Variants in HNRNPUL2 observed in about 807,000 individuals in gnomAD.
HNRNPUL2 encodes heterogeneous nuclear ribonucleoprotein U like 2.
In HNRNPUL2, 27 loss-of-function variants were observed where a neutral mutation model predicts 102.2. The observed-to-expected ratio is 0.26, with a 90% CI of 0.19 to 0.36. The LOEUF (loss-of-function observed/expected upper bound fraction) is 0.36. Among genes scored for constraint, HNRNPUL2 ranks in the 10% least tolerant of loss-of-function variants. The pLI is 1.00. For synonymous variants in HNRNPUL2, 458 were observed against 387.2 expected (o/e 1.18, Z -2.15); for missense variants, 936 against 981.1 (o/e 0.95, Z 0.61).
In HNRNPUL2 at chr11:62,715,615, A is replaced by T. The variant is rs1323200393; in HGVS notation, c.2056-8T>A. 3.1e-6 allele frequency: 5 copies of T among 1,605,026 alleles called. No homozygotes were observed. Among genetic ancestry groups the T allele is most frequent in the Non-Finnish European group, 4.3e-6 (5 of 1,171,832 alleles). On this transcript the variant is annotated splice_polypyrimidine_tract_variant and splice_region_variant and intron_variant, in intron 12 of 13. Coordinates refer to ENST00000301785, the MANE Select transcript of HNRNPUL2 (RefSeq NM_001079559.3). The stretch of plus-strand genomic sequence containing the variant: ...ATAGAAATTACGGTAACCCTGAGAA[A>T]GGAAAAGAAAAAGGAGTGAAGGTTT...
Position 62,727,286 on chromosome 11 carries a change from G to C in HNRNPUL2, c.-130C>G. ...GCCAGCACTGAGCCCGCGCGAGCGA[G>C]CGCACGCACGCAGGAGCGGAGGCCG... On this transcript the variant is annotated 5_prime_UTR_variant, in exon 1 of 14. Coordinates refer to ENST00000301785, the MANE Select transcript of HNRNPUL2 (RefSeq NM_001079559.3). 2 of 1,144,840 alleles carry C rather than the reference G, an allele frequency of 1.7e-6. No homozygotes were observed. Among genetic ancestry groups the C allele is most frequent in the Non-Finnish European group, 2.2e-6 (2 of 914,160 alleles). The allele number at this position is 1,144,840 out of a possible 1,614,324, so 70.9% of individuals were successfully genotyped here. A position where few individuals can be genotyped will look rare whatever the true frequency, so the allele number is the denominator to read the frequency against.
chr11:62,720,268 G>A, intron 9 of HNRNPUL2, 77 bp from the exon 10 acceptor site: 15 of 1,407,994 alleles, frequency 1.1e-5, no homozygotes, highest in Non-Finnish European at 1.4e-5. Flanking sequence ...AGTATCAGCT[G>A]GGCACGGTGG....
rs1287448769 is a variant in HNRNPUL2, at chr11:62,713,151, C to G, written c.*2148G>C. 2 of 152,114 alleles carry G rather than the reference C, an allele frequency of 1.3e-5. No homozygotes were observed. The highest frequency in any genetic ancestry group is 3.9e-4 in the East Asian group (2 of 5,184). 9.4% of individuals were successfully genotyped at this position (152,114 alleles called of 1,614,324 possible). On this transcript the variant is annotated 3_prime_UTR_variant, in exon 14 of 14. Coordinates refer to ENST00000301785, the MANE Select transcript of HNRNPUL2 (RefSeq NM_001079559.3). Reference sequence around the variant, plus strand: ...ATCAACAGCGAGTACCTCCCCTAACCCCTGCTGGAAAAAAACTCAACTTGA... The same window carrying G: ...ATCAACAGCGAGTACCTCCCCTAACGCCTGCTGGAAAAAAACTCAACTTGA...
Position 62,714,145 on chromosome 11 carries a change from C to A in HNRNPUL2, c.*1154G>T, listed in dbSNP as rs1343784791. ...CCACTGAGCTGCCTCCCACCCCCCC[C>A]CACCACCCTCCCCTCTTCTATTCAT... On this transcript the variant is annotated 3_prime_UTR_variant, in exon 14 of 14. Coordinates refer to ENST00000301785, the MANE Select transcript of HNRNPUL2 (RefSeq NM_001079559.3). 2.7e-5 allele frequency: 4 copies of A among 148,520 alleles called. No homozygotes were observed. The highest frequency in any genetic ancestry group is 1.0e-4 in the African/African-American group (4 of 40,058). The allele number at this position is 148,520 out of a possible 1,614,324, so 9.2% of individuals were successfully genotyped here. A position where few individuals can be genotyped will look rare whatever the true frequency, so the allele number is the denominator to read the frequency against.
rs1347827085 is a variant in HNRNPUL2 at position 62,714,133 on chromosome 11, TCCCACCCCCC to T, written c.*1156_*1165del. 1.5e-4 allele frequency: 12 copies of T among 80,886 alleles called. No individual in the cohort carries two copies. The highest frequency in any genetic ancestry group is 5.6e-4 in the African/African-American group (12 of 21,588). 5.0% of individuals were successfully genotyped at this position (80,886 alleles called of 1,614,324 possible). On this transcript the variant is annotated 3_prime_UTR_variant, in exon 14 of 14. Transcript: ENST00000301785. ...GGTTCAGCAGCCCCACTGAGCTGCC[TCCCACCCCCC>T]CCCACCACCCTCCCCTCTTCTATTC...
rs1334972902 is a variant in HNRNPUL2 at position 62,714,139 on chromosome 11, C to CA, written c.*1159_*1160insT. 2.1e-5 allele frequency: 3 copies of CA among 145,448 alleles called. No individual in the cohort carries two copies. Among genetic ancestry groups the CA allele is most frequent in the Non-Finnish European group, 4.6e-5 (3 of 65,660 alleles). The allele number at this position is 145,448 out of a possible 1,614,324, so 9.0% of individuals were successfully genotyped here. ...GCAGCCCCACTGAGCTGCCTCCCAC[C>CA]CCCCCCCACCACCCTCCCCTCTTCT... On this transcript the variant is annotated 3_prime_UTR_variant, in exon 14 of 14. Transcript: ENST00000301785.
In HNRNPUL2 at chr11:62,715,577, C is replaced by T. The variant is rs767780215; in HGVS notation, c.2086G>A (p.Gly696Arg). The change falls in exon 13 of 14, where the codon GGA becomes AGA. Residue 696 changes from glycine (G) to arginine (R), a missense_variant. Around this residue, in one of 2 missense-constraint regions of HNRNPUL2, gnomAD observed 609 missense variants for 713.0 expected, o/e 0.85. Transcript: ENST00000301785. ...CGCCCGTAAAATCGATCATAGTCTC[C>T]CCTGTATCGATCATAGAAATTACGG... Reference protein sequence around the residue: ...GYRNFYDRYRGDYDRFYGRDY... With the variant: ...GYRNFYDRYRRDYDRFYGRDY... The T allele has an allele frequency of 3.1e-6, 5 of 1,612,740 alleles. No individual in the cohort carries two copies. The South Asian group carries it at 5.5e-5, about 18-fold the overall frequency.
intron 1 of HNRNPUL2, among the ~76,000 whole-genome samples, chr11:62,725,722 G>A (rs935659159): frequency 6.6e-6 from 1 of 152,014 alleles, no homozygotes; most frequent in African/African-American, 2.4e-5. Context: ...CTCCCTACTC[G>A]GACACACACT....
At chr11:62,724,031 G>A (rs1484651644) in intron 2 of HNRNPUL2, 41 bp from the exon 3 acceptor site, 3 of 1,524,098 alleles carry the variant, frequency 2.0e-6, no homozygotes, top group South Asian at 1.1e-5. Context: ...TGTAAACAAA[G>A]CCCTCTTCTT....
chr11:62,726,088 T>C (rs1019065381), intron 1 of HNRNPUL2, among the ~76,000 whole-genome samples: 4 of 152,208 alleles, frequency 2.6e-5, no homozygotes, highest in Middle Eastern at 3.2e-3. Flanking sequence ...CACTAGAGGC[T>C]CTCCCTTACA....
In HNRNPUL2 at chr11:62,722,326, C is replaced by G. The variant is rs745545445; in HGVS notation, c.1150G>C (p.Gly384Arg). 29 of 1,613,836 alleles carry G rather than the reference C, an allele frequency of 1.8e-5. No individual in the cohort carries two copies. The highest frequency in any genetic ancestry group is 2.5e-5 in the Non-Finnish European group (29 of 1,179,830). ...LSFSKNGEDL[G>R]VAFWISKDSL... is the part of the protein sequence containing the mutation. ...TCCTTGCTGATCCAGAATGCCACACCTAGGTCTTCTCCATTCTTGGAGAAG... is the reference window on the plus strand; with the variant it reads ...TCCTTGCTGATCCAGAATGCCACACGTAGGTCTTCTCCATTCTTGGAGAAG... The change falls in exon 7 of 14, where the codon GGT (glycine) becomes CGT (arginine). Residue 384 changes from glycine (G) to arginine (R), a missense_variant. Physicochemically the swap from Gly to Arg is moderately radical, Grantham distance 125. Around this residue, in one of 2 missense-constraint regions of HNRNPUL2, gnomAD observed 609 missense variants for 713.0 expected, o/e 0.85. Coordinates refer to ENST00000301785, the MANE Select transcript of HNRNPUL2 (RefSeq NM_001079559.3).
At chr11:62,724,054 G>T in intron 2 of HNRNPUL2, 64 bp from the exon 3 acceptor site, 3 of 1,343,278 alleles carry the variant, frequency 2.2e-6, no homozygotes, top group Non-Finnish European at 3.2e-6. Context: ...AGGGGTGTGT[G>T]TGTATGACAT....
At chr11:62,723,383 C>T (rs1020928746) in intron 4 of HNRNPUL2, among the ~76,000 whole-genome samples, 7 of 152,034 alleles carry the variant, frequency 4.6e-5, no homozygotes, top group African/African-American at 7.2e-5. Context: ...CCCAGCTCCT[C>T]GGGAGGCTGA....
rs2083643430 is a variant in HNRNPUL2, at chr11:62,714,430, C to G, written c.*869G>C. ...TCAGAGACCTCCCACCTCTCTCAAC[C>G]TTGGAAGACAGAGACTAGAGACTGG... On this transcript the variant is annotated 3_prime_UTR_variant, in exon 14 of 14. Transcript: ENST00000301785. 1 of 152,196 alleles carries G rather than the reference C, an allele frequency of 6.6e-6. No homozygotes were observed. Among genetic ancestry groups the G allele is most frequent in the Non-Finnish European group, 1.5e-5 (1 of 68,036 alleles). 9.4% of individuals were successfully genotyped at this position (152,196 alleles called of 1,614,324 possible). A position where few individuals can be genotyped will look rare whatever the true frequency, so the allele number is the denominator to read the frequency against.
intron 2 of HNRNPUL2, 130 bp from the exon 3 acceptor site, chr11:62,724,120 A>G (rs1442060977): frequency 1.0e-5 from 12 of 1,186,772 alleles, no homozygotes; most frequent in African/African-American, 1.5e-5. Flanking sequence ...GCTTTTTCCA[A>G]TAAATGAGAA....
In HNRNPUL2 at chr11:62,713,939, A is replaced by G. The variant is rs1412528819; in HGVS notation, c.*1360T>C. On this transcript the variant is annotated 3_prime_UTR_variant, in exon 14 of 14. Coordinates refer to ENST00000301785, the MANE Select transcript of HNRNPUL2 (RefSeq NM_001079559.3). ...GCTGTCTATCAAGAACTGGGAGGGT[A>G]TTGGTAAAGTCACAAATGAAACTAT... 1 of 152,310 alleles carries G rather than the reference A, an allele frequency of 6.6e-6. No individual in the cohort carries two copies. Among genetic ancestry groups the G allele is most frequent in the East Asian group, 1.9e-4 (1 of 5,190 alleles). 9.4% of individuals were successfully genotyped at this position (152,310 alleles called of 1,614,324 possible).
chr11:62,721,349 A>G lies in HNRNPUL2; in HGVS notation c.1557T>C (p.Leu519=), dbSNP rs1217082566. Residue 519 remains leucine (L), a synonymous_variant, in exon 9 of 14, where the codon CTT becomes CTC. Coordinates refer to ENST00000301785, the MANE Select transcript of HNRNPUL2 (RefSeq NM_001079559.3). ...DLLVQQASQC[L]SKLVQIASRT... ...GGGAAGCAATCTGGACCAGCTTACT[A>G]AGGCACTGGGAGGCTTGCTGAACTA... The G allele has an allele frequency of 4.3e-6, 7 of 1,611,288 alleles. No homozygotes were observed. The highest frequency in any genetic ancestry group is 5.9e-6 in the Non-Finnish European group (7 of 1,179,104).
Position 62,724,395 on chromosome 11 carries a change from T to C in HNRNPUL2, c.570A>G (p.Pro190=). ...CCCGCCGCTCACCATCTGAGCCTGC[T>C]GGTTTTGACTTTTCACTATCCTGGT... ...GDDQDSEKSK[P]AGSDGERRGV... Residue 190 remains proline, a synonymous_variant, in exon 2 of 14, where the codon CCA becomes CCG. Transcript: ENST00000301785. 6.2e-7 allele frequency: 1 copy of C among 1,614,260 alleles called. No homozygotes were observed. Among genetic ancestry groups the C allele is most frequent in the South Asian group, 1.1e-5 (1 of 91,090 alleles).
At position 62,714,300 on chromosome 11, in the gene HNRNPUL2, C is replaced by T. The variant is rs866994314; in HGVS notation, c.*999G>A. Reference sequence around the variant, plus strand: ...ACAGGATTCACCTATATACATATCCCGCTGCAGTGAAAAGAATCCTGCTGT... The same window carrying T: ...ACAGGATTCACCTATATACATATCCTGCTGCAGTGAAAAGAATCCTGCTGT... On this transcript the variant is annotated 3_prime_UTR_variant, in exon 14 of 14. Transcript: ENST00000301785. 2.6e-5 allele frequency: 4 copies of T among 152,148 alleles called. No homozygotes were observed. The highest frequency in any genetic ancestry group is 2.1e-4 in the South Asian group (1 of 4,826). 9.4% of individuals were successfully genotyped at this position (152,148 alleles called of 1,614,324 possible).
Sources: allele counts gnomAD v4.1 joint callset (sites outside exome capture counted in the v4.1 genomes callset), GRCh38; gene constraint gnomAD v4.1.1; regional missense constraint gnomAD v4.1.1; transcripts MANE v1.5; gene names NCBI Gene and HGNC (gene_info 2026-07-23, HGNC 2026-07-21).